RPS6KB2: variants seen among roughly 807,000 people sequenced by gnomAD.
The protein encoded by RPS6KB2 is ribosomal protein S6 kinase beta-2.
A neutral mutation model predicts 58.2 loss-of-function variants in RPS6KB2; 51 were observed. The observed-to-expected ratio is 0.88, with a 90% CI of 0.70 to 1.11. RPS6KB2 has a LOEUF of 1.11. Ranked by LOEUF, RPS6KB2 falls within the 50% of genes least tolerant of loss-of-function variation. RPS6KB2 has a pLI of 0.00. For missense variants in RPS6KB2, 671 were observed against 655.8 expected, an observed-to-expected ratio of 1.02 and a Z score of -0.25; for synonymous variants, 293 against 258.6, an observed-to-expected ratio of 1.13 and a Z score of -1.28.
At chr11:67,431,323 C>G in intron 4 of RPS6KB2, 45 bp from the exon 5 acceptor site, 1 of 1,599,558 alleles carries the variant, frequency 6.3e-7, no homozygotes, top group South Asian at 1.1e-5. Flanking sequence ...AGCCACTGTG[C>G]CCAGCCTGGA....
At chr11:67,434,803 G>C in intron 14 of RPS6KB2, 109 bp downstream of exon 14, 2 of 1,047,542 alleles carry the variant, frequency 1.9e-6, no homozygotes, top group Non-Finnish European at 2.8e-6. Flanking sequence ...GTTGGCTTCG[G>C]TTGCTGTGTC....
chr11:67,435,332 G>A lies in RPS6KB2; in HGVS notation c.*163G>A. The A allele has an allele frequency of 1.4e-6, 1 of 710,694 alleles. No individual in the cohort carries two copies. The highest frequency in any genetic ancestry group is 2.3e-6 in the Non-Finnish European group (1 of 442,908). 44.0% of individuals were successfully genotyped at this position (710,694 alleles called of 1,614,324 possible). A position where few individuals can be genotyped will look rare whatever the true frequency, so the allele number is the denominator to read the frequency against. On this transcript the variant is annotated 3_prime_UTR_variant, in exon 15 of 15. Transcript: ENST00000312629. ...TGGGGCAGCTGTGCCCCTGAATCATGGGCACGGAGGGCCGCCCGCCACGCC... is the reference window on the plus strand; with the variant it reads ...TGGGGCAGCTGTGCCCCTGAATCATAGGCACGGAGGGCCGCCCGCCACGCC...
intron 11 of RPS6KB2, 53 bp from the exon 12 acceptor site, chr11:67,434,144 CG>C (rs1236261829): frequency 1.2e-6 from 2 of 1,611,614 alleles, no homozygotes; most frequent in Non-Finnish European, 1.7e-6. Flanking sequence ...AGGGAGTGAC[CG>C]GGGGGCAAGC....
rs772644307 is a variant in RPS6KB2, at chr11:67,428,551, G to T, written c.6G>T (p.Ala2=). 2 of 1,608,998 alleles carry T rather than the reference G, an allele frequency of 1.2e-6. No individual in the cohort carries two copies. Among genetic ancestry groups the T allele is most frequent in the South Asian group, 1.1e-5 (1 of 90,786 alleles). The change falls in exon 1 of 15, where the codon GCG becomes GCT. Residue 2 remains alanine (A), a synonymous_variant. Coordinates refer to ENST00000312629, the MANE Select transcript of RPS6KB2 (RefSeq NM_003952.3). The part of the protein sequence containing the change: M[A]AVFDLDLETE... ...CCCGCGGGGCCGGCGCCGCCATGGC[G>T]GCCGTGTTTGATTTGGATTTGGAGA...
At chr11:67,432,509 G>C (rs1386176542) in intron 5 of RPS6KB2, 91 bp from the exon 6 acceptor site, 1 of 1,384,478 alleles carries the variant, frequency 7.2e-7, no homozygotes, top group Admixed American at 1.7e-5. Context: ...CGGGAATTAT[G>C]AGCCCCTCTT....
chr11:67,428,535 CCGGCGCCGCCATGG>C lies in RPS6KB2; in HGVS notation c.-6_8del. ...GGTACGGGCCGACGGGCCCGCGGGG[CCGGCGCCGCCATGG>C]CGGCCGTGTTTGATTTGGATTTGGA... is the stretch of plus-strand genomic sequence containing the variant. On this transcript the variant is annotated start_lost and 5_prime_UTR_variant, in exon 1 of 15. Transcript: ENST00000312629. The C allele has an allele frequency of 6.2e-7, 1 of 1,602,052 alleles. No individual in the cohort carries two copies. The highest frequency in any genetic ancestry group is 2.2e-5 in the East Asian group (1 of 44,528).
intron 5 of RPS6KB2, 33 bp from the exon 6 acceptor site, chr11:67,432,567 C>G: frequency 6.2e-7 from 1 of 1,613,024 alleles, no homozygotes. Context: ...GGCTTGGACC[C>G]AGCACGTGGC....
In RPS6KB2 at chr11:67,428,964, C is replaced by T. The variant is rs764010513; in HGVS notation, c.79-18C>T. 11 of 1,613,968 alleles carry T rather than the reference C, an allele frequency of 6.8e-6. No individual in the cohort carries two copies. In the African/African-American group the frequency reaches 1.2e-4, roughly 18 times the overall value. On this transcript the variant is annotated intron_variant, in intron 1 of 14. Transcript: ENST00000312629. ...ATCCTGGCACCTTCCTTGGCTCTTA[C>T]CCCTCGGTTTCTCACAGGACGCATG... is the stretch of plus-strand genomic sequence containing the variant.
intron 5 of RPS6KB2, chr11:67,432,123 C>T: frequency 2.8e-6 from 1 of 361,940 alleles, no homozygotes; most frequent in Admixed American, 3.6e-5. Flanking sequence ...CTGCCTTTCC[C>T]TCGTTTGGGC....
Position 67,432,655 on chromosome 11 carries a change from C to T in RPS6KB2, c.513C>T (p.Ala171=), listed in dbSNP as rs1486852443. 6.2e-7 allele frequency: 1 copy of T among 1,614,064 alleles called. No homozygotes were observed. Among genetic ancestry groups the T allele is most frequent in the South Asian group, 1.1e-5 (1 of 91,084 alleles). ...EREGIFLEDT[A]CFYLAEITLA... ...AGGGCATCTTCCTGGAAGATACGGCCTGGTGGGTGTTAATCCTCCGCTTTC... is the reference window on the plus strand; with the variant it reads ...AGGGCATCTTCCTGGAAGATACGGCTTGGTGGGTGTTAATCCTCCGCTTTC... The change falls in exon 6 of 15, where the codon GCC becomes GCT. Residue 171 remains alanine (A), a splice_region_variant and synonymous_variant. Transcript: ENST00000312629.
At position 67,429,602 on chromosome 11, in the gene RPS6KB2, C is replaced by T. The variant is rs371886103; in HGVS notation, c.309+7C>T. 1.2e-6 allele frequency: 2 copies of T among 1,606,600 alleles called. No homozygotes were observed. Among genetic ancestry groups the T allele is most frequent in the East Asian group, 2.2e-5 (1 of 44,712 alleles). On this transcript the variant is annotated splice_region_variant and intron_variant, in intron 4 of 14. Coordinates refer to ENST00000312629, the MANE Select transcript of RPS6KB2 (RefSeq NM_003952.3). Reference sequence around the variant, plus strand: ...CATGAAAGTCCTAAGGAAGGTGAGTCACTCGTTCAGCCAACGAATACTGTG... The same window carrying T: ...CATGAAAGTCCTAAGGAAGGTGAGTTACTCGTTCAGCCAACGAATACTGTG...
Position 67,433,192 on chromosome 11 carries a change from G to A in RPS6KB2, c.774G>A (p.Leu258=), listed in dbSNP as rs777846995. Reference sequence around the variant, plus strand: ...TGGACTGGTGGAGCCTGGGGGCCCTGATGTACGACATGCTCACTGGATCGG... The same window carrying A: ...TGGACTGGTGGAGCCTGGGGGCCCTAATGTACGACATGCTCACTGGATCGG... ...RAVDWWSLGA[L]MYDMLTGSPP... is the part of the protein sequence containing the mutation. Residue 258 remains leucine (L), a synonymous_variant, in exon 9 of 15, where the codon CTG becomes CTA. Coordinates refer to ENST00000312629, the MANE Select transcript of RPS6KB2 (RefSeq NM_003952.3). 3 of 1,606,090 alleles carry A rather than the reference G, an allele frequency of 1.9e-6. No individual in the cohort carries two copies. The Admixed American group carries it at 5.1e-5, about 27-fold the overall frequency.
intron 4 of RPS6KB2, chr11:67,430,736 G>A (rs1220544096): frequency 6.6e-6 from 1 of 152,182 alleles, no homozygotes; most frequent in Non-Finnish European, 1.5e-5. Context: ...GCCTGGCATG[G>A]ACACATTTTT....
chr11:67,431,586 G>A (rs1207036312), intron 5 of RPS6KB2, 71 bp downstream of exon 5: 2 of 1,523,928 alleles, frequency 1.3e-6, no homozygotes, highest in East Asian at 2.3e-5. Flanking sequence ...GGAAGCTCTG[G>A]GGGGAAGCTC....
At chr11:67,432,545 A>G (rs774369010) in intron 5 of RPS6KB2, 55 bp from the exon 6 acceptor site, 1 of 1,595,588 alleles carries the variant, frequency 6.3e-7, no homozygotes, top group Non-Finnish European at 8.6e-7. Context: ...AAAGACTCAG[A>G]AAGCACAAAG....
At chr11:67,431,630 G>GC (rs1204798730) in intron 5 of RPS6KB2, 115 bp downstream of exon 5, 1 of 1,034,410 alleles carries the variant, frequency 9.7e-7, no homozygotes, top group African/African-American at 1.6e-5. Context: ...TGGCTAGGGG[G>GC]CCCCCACTCT....
In RPS6KB2 at chr11:67,435,055, A is replaced by T; in HGVS notation, c.1335A>T (p.Leu445=). 1 of 1,612,088 alleles carries T rather than the reference A, an allele frequency of 6.2e-7. No homozygotes were observed. Among genetic ancestry groups the T allele is most frequent in the Non-Finnish European group, 8.5e-7 (1 of 1,179,296 alleles). Residue 445 remains leucine (L), a synonymous_variant, in exon 15 of 15, where the codon CTA becomes CTT. Coordinates refer to ENST00000312629, the MANE Select transcript of RPS6KB2 (RefSeq NM_003952.3). ...PSPSLPEPTE[L]PLPPLLPPPP... ...CCAGCCTGCCGGAGCCCACGGAGCT[A>T]CCTCTACCTCCACTCCTGCCACCGC...
At position 67,432,872 on chromosome 11, in the gene RPS6KB2, T is replaced by C. The variant is rs575525547; in HGVS notation, c.616+35T>C. The C allele has an allele frequency of 3.7e-6, 6 of 1,604,898 alleles. No individual in the cohort carries two copies. In the African/African-American group the frequency reaches 8.0e-5, roughly 22 times the overall value. ...TGTGTGCGGGCAGCTGCAGGCGGGG[T>C]CTGCAATCTGTGGGGAGGGCTGAGG... On this transcript the variant is annotated intron_variant, in intron 7 of 14. Transcript: ENST00000312629.
chr11:67,431,330 T>C, intron 4 of RPS6KB2, 38 bp from the exon 5 acceptor site: 4 of 1,606,412 alleles, frequency 2.5e-6, no homozygotes, highest in Non-Finnish European at 3.4e-6. Context: ...GTGCCCAGCC[T>C]GGATGCCTCA....
Sources: gnomAD v4.1 joint callset for allele counts on GRCh38, gnomAD v4.1.1 for gene constraint, MANE v1.5 for transcripts, NCBI Gene and HGNC (gene_info 2026-07-23, HGNC 2026-07-21) for gene names.